Variants in GLI2 observed in about 807,000 individuals in gnomAD.
The protein encoded by GLI2 is transcription activator GLI2.
In GLI2, 22 loss-of-function variants were observed where a neutral mutation model predicts 78.9. The observed-to-expected ratio is 0.28, with a 90% confidence interval of 0.20 to 0.40. GLI2 has a LOEUF of 0.40. Ranked by LOEUF, GLI2 falls within the 10% of genes least tolerant of loss-of-function variation. The pLI, the probability that GLI2 is intolerant of heterozygous loss-of-function variation, is 1.00. For synonymous variants in GLI2, 974 were observed against 963.7 expected (o/e 1.01, Z -0.20); for missense variants, 2,097 against 2,213.2 (o/e 0.95, Z 1.05).
intron 2 of GLI2, among the ~76,000 whole-genome samples, chr2:120,806,604 C>T (rs780064865): frequency 3.3e-5 from 5 of 152,222 alleles, no homozygotes; most frequent in Non-Finnish European, 7.4e-5. Context: ...ATGTCTCCTG[C>T]GTGAGTCCAT....
rs562223351 is a variant in GLI2, at chr2:120,892,424, T to G, written c.149-34937T>G. Among the ~76,000 whole-genome samples the G allele has an allele frequency of 5.9e-5, 9 of 152,334 alleles. No individual in the cohort carries two copies. In the South Asian group the frequency reaches 1.2e-3, roughly 21 times the overall value. On this transcript the variant is annotated intron_variant, in intron 2 of 13. Coordinates refer to ENST00000361492, the MANE Select transcript of GLI2 (RefSeq NM_001374353.1). The stretch of plus-strand genomic sequence containing the variant: ...CTTGGAAAAGTGGGTGCATAAATCC[T>G]GCTCTGTGCATAAATCCTGTCCCAG...
chr2:120,849,438 A>G (rs1573476072), intron 2 of GLI2, among the ~76,000 whole-genome samples: 1 of 152,156 alleles, frequency 6.6e-6, no homozygotes, highest in Non-Finnish European at 1.5e-5. Flanking sequence ...TTTTATGCCA[A>G]TAGTGATGAT....
At chr2:120,983,946 G>GGTGTGTGTGTGT (rs5833859) in intron 11 of GLI2, among the ~76,000 whole-genome samples, 5 of 143,124 alleles carry the variant, frequency 3.5e-5, no homozygotes, top group African/African-American at 1.0e-4. Flanking sequence ...TGGTGTGTGG[G>GGTGTGTGTGTGT]GTGTGTGTGT....
intron 1 of GLI2, among the ~76,000 whole-genome samples, chr2:120,788,706 T>A (rs1173053480): frequency 6.6e-6 from 1 of 152,152 alleles, no homozygotes; most frequent in East Asian, 1.9e-4. Context: ...AGGGGAGCTT[T>A]TGTACTTGGA....
intron 10 of GLI2, among the ~76,000 whole-genome samples, chr2:120,980,592 T>C (rs1045202487): frequency 1.3e-5 from 2 of 152,220 alleles, no homozygotes; most frequent in African/African-American, 2.4e-5. Context: ...TTCTTTTCAT[T>C]TCCTTGATAC....
intron 2 of GLI2, among the ~76,000 whole-genome samples, chr2:120,836,527 G>A (rs1686619938): frequency 6.6e-6 from 1 of 152,110 alleles, no homozygotes; most frequent in African/African-American, 2.4e-5. Flanking sequence ...AGACATTGTT[G>A]CCATGGGTGG....
At chr2:120,840,813 G>A (rs1287318732) in intron 2 of GLI2, among the ~76,000 whole-genome samples, 1 of 152,070 alleles carries the variant, frequency 6.6e-6, no homozygotes, top group African/African-American at 2.4e-5. Context: ...TGGGGGTCTC[G>A]GATCCCCCTT....
At chr2:120,753,821 C>G (rs1472616374) in intron 1 of GLI2, among the ~76,000 whole-genome samples, 1 of 151,712 alleles carries the variant, frequency 6.6e-6, no homozygotes, top group East Asian at 1.9e-4. Flanking sequence ...TGGCGGAAAC[C>G]CGGGAGGCGG....
Position 120,737,951 on chromosome 2 carries a change from A to C in GLI2, c.-31+1666A>C, listed in dbSNP as rs1364538036. Among the ~76,000 whole-genome samples, 1 of 152,162 alleles carries C rather than the reference A, an allele frequency of 6.6e-6. No individual in the cohort carries two copies. The highest frequency in any genetic ancestry group is 2.4e-5 in the African/African-American group (1 of 41,442). ...GAGACCAGTTTGTTCCAGCCACCTC[A>C]CCTGCCAGCTTTCTCTCCGCCCATT... On this transcript the variant is annotated intron_variant, in intron 1 of 13. Coordinates refer to ENST00000361492, the MANE Select transcript of GLI2 (RefSeq NM_001374353.1). The surrounding 1 kb of genome is among the most constrained non-coding windows in gnomAD (Gnocchi z 4.3).
chr2:120,912,990 T>C (rs1678907306), intron 2 of GLI2, among the ~76,000 whole-genome samples: 2 of 152,036 alleles, frequency 1.3e-5, no homozygotes. Flanking sequence ...GTTTGTGAGT[T>C]AAATGAATGG....
At chr2:120,951,484 A>G (rs1285503275) in intron 4 of GLI2, 39 bp downstream of exon 4, 1 of 1,375,342 alleles carries the variant, frequency 7.3e-7, no homozygotes, top group African/African-American at 1.4e-5. Flanking sequence ...CAGCTAGGGC[A>G]CTGGGGCAGG....
chr2:120,916,515 C>A (rs761377390), intron 2 of GLI2, among the ~76,000 whole-genome samples: 25 of 152,270 alleles, frequency 1.6e-4, no homozygotes, highest in Non-Finnish European at 3.1e-4. Flanking sequence ...GCCACTTGGG[C>A]AGTTTGTGCT....
rs553925191 is a variant in GLI2 at position 120,990,021 on chromosome 2, G to A, written c.4056G>A (p.Val1352=). ...MGVATAGFGL[V]QPRPPLEPSP... ...TGGCTACAGCAGGCTTTGGCCTAGTGCAGCCCCGGCCTCCCCTCGAGCCCA... is the reference window on the plus strand; with the variant it reads ...TGGCTACAGCAGGCTTTGGCCTAGTACAGCCCCGGCCTCCCCTCGAGCCCA... Residue 1352 remains valine (V), a synonymous_variant, in exon 14 of 14, where the codon GTG becomes GTA. Coordinates refer to ENST00000361492, the MANE Select transcript of GLI2 (RefSeq NM_001374353.1). 4 of 1,607,328 alleles carry A rather than the reference G, an allele frequency of 2.5e-6. No homozygotes were observed. The highest frequency in any genetic ancestry group is 2.7e-5 in the African/African-American group (2 of 74,960).
intron 2 of GLI2, among the ~76,000 whole-genome samples, chr2:120,892,619 C>T (rs1677736406): frequency 6.6e-6 from 1 of 152,232 alleles, no homozygotes; most frequent in Non-Finnish European, 1.5e-5. Context: ...TTTCTTGCTG[C>T]TGCGCTGGTG....
chr2:120,919,188 GA>G, intron 2 of GLI2, among the ~76,000 whole-genome samples: 1 of 152,312 alleles, frequency 6.6e-6, no homozygotes, highest in African/African-American at 2.4e-5. Flanking sequence ...TTGCTTCTAA[GA>G]AAATAATACT....
chr2:120,843,947 G>A (rs1686998596), intron 2 of GLI2, among the ~76,000 whole-genome samples: 5 of 152,134 alleles, frequency 3.3e-5, no homozygotes, highest in African/African-American at 7.2e-5. Flanking sequence ...GATTACAGGC[G>A]TGAGACACCG....
intron 2 of GLI2, among the ~76,000 whole-genome samples, chr2:120,858,332 T>C (rs1687753414): frequency 6.6e-6 from 1 of 152,234 alleles, no homozygotes; most frequent in African/African-American, 2.4e-5. Context: ...GTACTTGGCA[T>C]GTGGCTAGTG....
intron 2 of GLI2, among the ~76,000 whole-genome samples, chr2:120,897,639 T>C (rs775127951): frequency 3.3e-5 from 5 of 151,964 alleles, no homozygotes; most frequent in Non-Finnish European, 4.4e-5. Flanking sequence ...ACACTTTGTG[T>C]AATTTTCTTA....
At chr2:120,818,854 T>C (rs1367135757) in intron 2 of GLI2, among the ~76,000 whole-genome samples, 1 of 152,210 alleles carries the variant, frequency 6.6e-6, no homozygotes, top group Non-Finnish European at 1.5e-5. Context: ...GAGCCAGGAT[T>C]TGAACTTGAA....
Sources: gnomAD v4.1 joint callset for allele counts (sites outside exome capture counted in the v4.1 genomes callset) on GRCh38, gnomAD v4.1.1 for gene constraint, Gnocchi (gnomAD v3.1) non-coding constraint, MANE v1.5 for transcripts, NCBI Gene and HGNC (gene_info 2026-07-23, HGNC 2026-07-21) for gene names.